The following RICTOR variants were observed in gnomAD, a reference collection of about 807,000 sequenced individuals.
RICTOR encodes RPTOR independent companion of MTOR complex 2.
A neutral mutation model predicts 214.9 loss-of-function variants in RICTOR; 49 were observed. The observed-to-expected ratio is 0.23, with a 90% CI of 0.18 to 0.29. RICTOR has a LOEUF of 0.29. Among genes scored for constraint, RICTOR ranks in the 10% least tolerant of loss-of-function variants. RICTOR has a pLI of 1.00. For missense variants in RICTOR, 1,625 were observed against 2,047.0 expected (o/e 0.79, Z 3.98); for synonymous variants, 717 against 711.3 (o/e 1.01, Z -0.13).
intron 10 of RICTOR, among the ~76,000 whole-genome samples, chr5:38,974,979 T>C (rs1751093220): frequency 6.6e-6 from 1 of 152,214 alleles, no homozygotes; most frequent in Non-Finnish European, 1.5e-5. Flanking sequence ...ACAAAAGTAA[T>C]TGCGGTTTTT....
chr5:39,002,807 A>T, intron 4 of RICTOR, 141 bp from the exon 5 acceptor site: 1 of 745,318 alleles, frequency 1.3e-6, no homozygotes, highest in Admixed American at 3.3e-5. Context: ...TACATATATA[A>T]AAATTACTCA....
At position 39,074,101 on chromosome 5, in the gene RICTOR, C is replaced by T; in HGVS notation, c.97+10G>A. On this transcript the variant is annotated intron_variant, in intron 2 of 37. Coordinates refer to ENST00000357387, the MANE Select transcript of RICTOR (RefSeq NM_152756.5). ...CGCGCCCTCGCGGCGCCCGCGGCGCCCCGCGTTACCTCGGGTCAGATCCAG... is the reference window on the plus strand; with the variant it reads ...CGCGCCCTCGCGGCGCCCGCGGCGCTCCGCGTTACCTCGGGTCAGATCCAG... 6.4e-7 allele frequency: 1 copy of T among 1,564,516 alleles called. No individual in the cohort carries two copies. Among genetic ancestry groups the T allele is most frequent in the Non-Finnish European group, 8.6e-7 (1 of 1,158,704 alleles).
intron 27 of RICTOR, among the ~76,000 whole-genome samples, chr5:38,954,185 T>C (rs968148038): frequency 2.0e-5 from 3 of 151,890 alleles, no homozygotes; most frequent in Non-Finnish European, 2.9e-5. Context: ...AAACAAATAT[T>C]CCTATAACTT....
At chr5:39,001,942 T>C (rs1753657516) in intron 5 of RICTOR, among the ~76,000 whole-genome samples, 1 of 152,060 alleles carries the variant, frequency 6.6e-6, no homozygotes. Context: ...TTTAGCAATA[T>C]CTACTAAAGC....
chr5:39,033,713 G>A, intron 2 of RICTOR, among the ~76,000 whole-genome samples: 1 of 152,138 alleles, frequency 6.6e-6, no homozygotes, highest in East Asian at 1.9e-4. Flanking sequence ...ACTGAGCACT[G>A]AAAAGCAACC....
chr5:38,987,605 CTTCT>C (rs1240909263), intron 7 of RICTOR, among the ~76,000 whole-genome samples: 2 of 151,866 alleles, frequency 1.3e-5, no homozygotes, highest in Admixed American at 6.6e-5. Context: ...TCTCTCTTTT[CTTCT>C]TTATTAGTCT....
chr5:39,003,409 T>A, intron 4 of RICTOR, 149 bp downstream of exon 4: 1 of 508,352 alleles, frequency 2.0e-6, no homozygotes, highest in South Asian at 4.1e-5. Flanking sequence ...AAAACTACTG[T>A]AGCTCTTAGA....
intron 2 of RICTOR, among the ~76,000 whole-genome samples, chr5:39,038,052 T>C (rs1039237583): frequency 1.1e-4 from 16 of 152,156 alleles, no homozygotes; most frequent in Non-Finnish European, 1.8e-4. Flanking sequence ...CTGATGAACA[T>C]TGATGCAAAA....
chr5:38,968,266 G>A (rs560602493), intron 11 of RICTOR, among the ~76,000 whole-genome samples: 16 of 152,190 alleles, frequency 1.1e-4, no homozygotes, highest in Admixed American at 6.5e-5. Context: ...CATATTGTCT[G>A]TCACAGGGCA....
chr5:39,030,959 A>G (rs1161156734), intron 2 of RICTOR, among the ~76,000 whole-genome samples: 1 of 152,142 alleles, frequency 6.6e-6, no homozygotes, highest in African/African-American at 2.4e-5. Context: ...CTACAAAAGG[A>G]GTATGTGAAA....
At chr5:39,040,173 T>C (rs968782451) in intron 2 of RICTOR, among the ~76,000 whole-genome samples, 1 of 151,862 alleles carries the variant, frequency 6.6e-6, no homozygotes, top group African/African-American at 2.4e-5. Flanking sequence ...TGTGGGGACA[T>C]GGATGAAGCT....
intron 10 of RICTOR, among the ~76,000 whole-genome samples, chr5:38,972,323 C>G (rs1238682243): frequency 6.6e-6 from 1 of 152,152 alleles, no homozygotes; most frequent in Non-Finnish European, 1.5e-5. Flanking sequence ...AAGTGAAAAA[C>G]TCTACTTGGC....
intron 12 of RICTOR, 27 bp downstream of exon 12, chr5:38,967,916 A>G (rs1325889817): frequency 2.6e-6 from 3 of 1,150,306 alleles, no homozygotes; most frequent in Non-Finnish European, 3.9e-6. Context: ...AATATATGAA[A>G]AGATACAAAT....
chr5:38,963,114 T>G (rs915044023), intron 16 of RICTOR, 73 bp from the exon 17 acceptor site: 11 of 1,073,086 alleles, frequency 1.0e-5, no homozygotes, highest in Non-Finnish European at 1.5e-5. Flanking sequence ...TGGTAAATTA[T>G]TAAAGCTTAC....
chr5:39,068,231 C>T (rs1214531217), intron 2 of RICTOR, among the ~76,000 whole-genome samples: 2 of 152,090 alleles, frequency 1.3e-5, no homozygotes, highest in African/African-American at 2.4e-5. Flanking sequence ...CAAGGTCAAG[C>T]GAATATTAAA....
Position 38,953,535 on chromosome 5 carries a change from A to AGCT in RICTOR, c.2715_2716insAGC (p.Leu905_Cys906insSer). The AGCT allele has an allele frequency of 7.1e-7, 1 of 1,398,744 alleles. No homozygotes were observed. Among genetic ancestry groups the AGCT allele is most frequent in the Non-Finnish European group, 9.5e-7 (1 of 1,048,508 alleles). The allele number at this position is 1,398,744 out of a possible 1,614,324, so 86.6% of individuals were successfully genotyped here. On this transcript the variant is annotated inframe_insertion, in exon 28 of 38. Coordinates refer to ENST00000357387, the MANE Select transcript of RICTOR (RefSeq NM_152756.5). ...AAATCTGGTGTACGAACATTACGAC[A>AGCT]GAGTTCTGTAATAATATTCTGGAGA...
At chr5:38,977,682 G>A (rs1044622874) in intron 9 of RICTOR, among the ~76,000 whole-genome samples, 3 of 132,502 alleles carry the variant, frequency 2.3e-5, no homozygotes, top group East Asian at 2.4e-4. Context: ...TGCAAACTCC[G>A]CCTCCCAGGT....
At chr5:38,955,733 A>G (rs1561454395) in intron 25 of RICTOR, 29 bp from the exon 26 acceptor site, 4 of 1,191,144 alleles carry the variant, frequency 3.4e-6, no homozygotes, top group Admixed American at 1.7e-5. Context: ...TTAATTGCAC[A>G]TAGTATCACA....
chr5:38,992,544 T>C (rs1752865631), intron 6 of RICTOR, among the ~76,000 whole-genome samples: 1 of 152,186 alleles, frequency 6.6e-6, no homozygotes, highest in Non-Finnish European at 1.5e-5. Context: ...AGTTTCCTCA[T>C]TTGTAAAATG....
Sources: allele counts gnomAD v4.1 joint callset (sites outside exome capture counted in the v4.1 genomes callset), GRCh38; gene constraint gnomAD v4.1.1; transcripts MANE v1.5; gene names NCBI Gene and HGNC (gene_info 2026-07-23, HGNC 2026-07-21).